Variants in TSPAN3 observed in about 807,000 individuals in gnomAD.
TSPAN3 encodes the protein tetraspanin-3.
In TSPAN3, 9 loss-of-function variants were observed where a neutral mutation model predicts 31.1. The observed-to-expected ratio is 0.29, with a 90% CI of 0.17 to 0.50. The LOEUF is 0.50. Among genes scored for constraint, TSPAN3 ranks in the 20% least tolerant of loss-of-function variants. The pLI, the probability that TSPAN3 is intolerant of heterozygous loss-of-function variation, is 0.98. For missense variants in TSPAN3, 252 were observed against 313.5 expected, an observed-to-expected ratio of 0.80 and a Z score of 1.48; for synonymous variants, 129 against 114.3, an observed-to-expected ratio of 1.13 and a Z score of -0.82.
chr15:77,046,492 G>T lies in TSPAN3; in HGVS notation c.*343C>A. Reference sequence around the variant, plus strand: ...CCACTGTGAAGACTGAAAGGACCTGGTGACATTTCGGCATCAGTCCTGTTA... The same window carrying T: ...CCACTGTGAAGACTGAAAGGACCTGTTGACATTTCGGCATCAGTCCTGTTA... On this transcript the variant is annotated 3_prime_UTR_variant, in exon 7 of 7. Transcript: ENST00000267970. 1 of 421,982 alleles carries T rather than the reference G, an allele frequency of 2.4e-6. No homozygotes were observed. The highest frequency in any genetic ancestry group is 4.2e-6 in the Non-Finnish European group (1 of 238,884). The allele number at this position is 421,982 out of a possible 1,614,324, so 26.1% of individuals were successfully genotyped here.
intron 1 of TSPAN3, among the ~76,000 whole-genome samples, chr15:77,056,608 C>T (rs1315643130): frequency 6.6e-6 from 1 of 152,070 alleles, no homozygotes; most frequent in Non-Finnish European, 1.5e-5. Context: ...TTGCTCACTA[C>T]AGTTGCCCTC....
At chr15:77,066,640 C>T (rs569864475) in intron 1 of TSPAN3, among the ~76,000 whole-genome samples, 119 of 146,750 alleles carry the variant, frequency 8.1e-4, no homozygotes, top group African/African-American at 2.9e-3. Flanking sequence ...CACTTCTAAC[C>T]TTCTTCAATA....
At chr15:77,062,100 C>A (rs1197725285) in intron 1 of TSPAN3, among the ~76,000 whole-genome samples, 1 of 152,154 alleles carries the variant, frequency 6.6e-6, no homozygotes, top group East Asian at 1.9e-4. Context: ...ATGCATATAT[C>A]TTTTTAACAT....
rs139920269 is a variant in TSPAN3, at chr15:77,042,693, C to T, written c.*4142G>A. 2.0e-5 allele frequency: 3 copies of T among 152,166 alleles called. No homozygotes were observed. Among genetic ancestry groups the T allele is most frequent in the East Asian group, 1.9e-4 (1 of 5,180 alleles). 9.4% of individuals were successfully genotyped at this position (152,166 alleles called of 1,614,324 possible). On this transcript the variant is annotated 3_prime_UTR_variant, in exon 7 of 7. Transcript: ENST00000267970. ...AAGGAGTGCTGGGCTGCAGAAACGT[C>T]GCTTGGCAGTCATCATAAAGATTGA... is the stretch of plus-strand genomic sequence containing the variant.
intron 1 of TSPAN3, among the ~76,000 whole-genome samples, chr15:77,060,804 G>A (rs1014475759): frequency 1.3e-5 from 2 of 152,146 alleles, no homozygotes; most frequent in African/African-American, 2.4e-5. Context: ...GAGCCTGTAA[G>A]GAGGATTTGT....
intron 1 of TSPAN3, among the ~76,000 whole-genome samples, chr15:77,057,395 C>CTGAA (rs2076774842): frequency 6.6e-6 from 1 of 152,184 alleles, no homozygotes; most frequent in Admixed American, 6.5e-5. Context: ...ATTAACTTCT[C>CTGAA]TGAACCTGAA....
At chr15:77,062,032 A>G (rs1257949441) in intron 1 of TSPAN3, among the ~76,000 whole-genome samples, 5 of 152,228 alleles carry the variant, frequency 3.3e-5, no homozygotes. Flanking sequence ...TGTACTCTAG[A>G]CTTTGTAAGA....
At position 77,046,713 on chromosome 15, in the gene TSPAN3, C is replaced by T. The variant is rs117880753; in HGVS notation, c.*122G>A. The T allele has an allele frequency of 1.8e-4, 121 of 678,594 alleles. No individual in the cohort carries two copies. In the East Asian group the frequency reaches 3.0e-3, roughly 17 times the overall value. The allele number at this position is 678,594 out of a possible 1,614,324, so 42.0% of individuals were successfully genotyped here. A position where few individuals can be genotyped will look rare whatever the true frequency, so the allele number is the denominator to read the frequency against. On this transcript the variant is annotated 3_prime_UTR_variant, in exon 7 of 7. Coordinates refer to ENST00000267970, the MANE Select transcript of TSPAN3 (RefSeq NM_005724.6). ...TGGGCACATGAAAAGCCAAGCTGCT[C>T]TGTCCAACACCAGTGTACATGTGCT...
chr15:77,046,962 T>G, intron 6 of TSPAN3, 35 bp from the exon 7 acceptor site: 2 of 1,514,052 alleles, frequency 1.3e-6, no homozygotes. Context: ...GAAAAAAGGC[T>G]GAAAACCCTC....
chr15:77,050,027 G>A (rs781028917), intron 6 of TSPAN3, among the ~76,000 whole-genome samples: 15 of 152,138 alleles, frequency 9.9e-5, no homozygotes, highest in Non-Finnish European at 1.9e-4. Context: ...CCAAAATTTT[G>A]TGGCTAAACA....
intron 3 of TSPAN3, chr15:77,054,567 GT>G (rs2076755544): frequency 5.1e-6 from 1 of 194,838 alleles, no homozygotes; most frequent in East Asian, 1.2e-4. Flanking sequence ...AGGGAGAAAA[GT>G]TGAGGCTTGG....
intron 1 of TSPAN3, among the ~76,000 whole-genome samples, chr15:77,069,310 T>A (rs1310293380): frequency 6.6e-6 from 1 of 152,226 alleles, no homozygotes; most frequent in African/African-American, 2.4e-5. Flanking sequence ...CGTATTAAAT[T>A]AGCAAAAGAT....
intron 2 of TSPAN3, 79 bp from the exon 3 acceptor site, chr15:77,055,942 C>T: frequency 6.6e-7 from 1 of 1,525,244 alleles, no homozygotes; most frequent in Admixed American, 2.1e-5. Flanking sequence ...AAAAAGTTAT[C>T]AGAGATAATT....
At chr15:77,053,862 A>T (rs1262670686) in intron 4 of TSPAN3, among the ~76,000 whole-genome samples, 10 of 152,040 alleles carry the variant, frequency 6.6e-5, no homozygotes, top group Admixed American at 6.6e-4. Flanking sequence ...CCTGGAGTCA[A>T]TCTGGACTCC....
At chr15:77,057,396 TGAACCTGAAAACCCA>T (rs2076774859) in intron 1 of TSPAN3, among the ~76,000 whole-genome samples, 1 of 152,232 alleles carries the variant, frequency 6.6e-6, no homozygotes, top group Non-Finnish European at 1.5e-5. Flanking sequence ...TTAACTTCTC[TGAACCTGAAAACCCA>T]GATCATTTAA....
chr15:77,060,015 G>A (rs2076791067), intron 1 of TSPAN3, among the ~76,000 whole-genome samples: 1 of 152,178 alleles, frequency 6.6e-6, no homozygotes. Flanking sequence ...ACAACCAGAT[G>A]CACAACAAAT....
intron 1 of TSPAN3, among the ~76,000 whole-genome samples, chr15:77,062,195 G>C (rs1391526234): frequency 1.3e-5 from 2 of 152,184 alleles, no homozygotes. Context: ...ATTCCACACA[G>C]TGGATTTCTG....
intron 1 of TSPAN3, among the ~76,000 whole-genome samples, chr15:77,065,195 C>T (rs925128575): frequency 6.6e-6 from 1 of 152,164 alleles, no homozygotes; most frequent in Non-Finnish European, 1.5e-5. Context: ...CACTTTATCA[C>T]ATCACCCTTT....
intron 6 of TSPAN3, among the ~76,000 whole-genome samples, chr15:77,049,907 T>TTGCA (rs1411072105): frequency 6.6e-6 from 1 of 152,236 alleles, no homozygotes; most frequent in Non-Finnish European, 1.5e-5. Flanking sequence ...TTTAGGAATT[T>TTGCA]AATCTTCTGC....
Sources: allele counts gnomAD v4.1 joint callset (sites outside exome capture counted in the v4.1 genomes callset), GRCh38; gene constraint gnomAD v4.1.1; transcripts MANE v1.5; gene names NCBI Gene and HGNC (gene_info 2026-07-23, HGNC 2026-07-21).